The following RNLS variants were observed in gnomAD, a reference collection of about 807,000 sequenced individuals.
RNLS encodes renalase.
In RNLS, 39 loss-of-function variants were observed where a neutral mutation model predicts 39.8. The observed-to-expected ratio is 0.98, with a 90% CI of 0.76 to 1.28. RNLS has a LOEUF of 1.28. Ranked by LOEUF, RNLS falls within the 50% of genes most tolerant of loss-of-function variation. The pLI, the probability that RNLS is intolerant of heterozygous loss-of-function variation, is 0.00. For missense variants in RNLS, 410 were observed against 413.3 expected (o/e 0.99, Z 0.07); for synonymous variants, 147 against 150.7 (o/e 0.98, Z 0.18).
intron 4 of RNLS, among the ~76,000 whole-genome samples, chr10:88,562,469 G>C (rs374293310): frequency 1.3e-5 from 2 of 152,106 alleles, no homozygotes; most frequent in Non-Finnish European, 2.9e-5. Context: ...TATATGGTTG[G>C]AACAAAGTGT....
chr10:88,299,828 A>G (rs1844380822), intron 6 of RNLS, among the ~76,000 whole-genome samples: 1 of 152,222 alleles, frequency 6.6e-6, no homozygotes, highest in Non-Finnish European at 1.5e-5. Flanking sequence ...TCTTTAAGAA[A>G]AATGTTCAAT....
At chr10:88,462,280 A>C (rs565026799) in intron 4 of RNLS, among the ~76,000 whole-genome samples, 1 of 152,162 alleles carries the variant, frequency 6.6e-6, no homozygotes, top group South Asian at 2.1e-4. Context: ...TTTTGATACA[A>C]GTATGCAATG....
chr10:88,407,208 C>T (rs1853333956), intron 4 of RNLS, among the ~76,000 whole-genome samples: 1 of 151,960 alleles, frequency 6.6e-6, no homozygotes, highest in South Asian at 2.1e-4. Context: ...AAAAAATAGT[C>T]AACATCAAAA....
At chr10:88,316,889 C>G (rs758138093) in intron 5 of RNLS, among the ~76,000 whole-genome samples, 40 of 152,146 alleles carry the variant, frequency 2.6e-4, no homozygotes, top group South Asian at 2.1e-4. Flanking sequence ...TCCCCCAACC[C>G]TAAATCAGAG....
At chr10:88,240,875 G>C in the RNLS span, among the ~76,000 whole-genome samples, 1 of 151,422 alleles carries the variant, frequency 6.6e-6, no homozygotes, top group African/African-American at 2.4e-5. Flanking sequence ...ATATCATGGA[G>C]CTATGATTTA....
chr10:88,214,523 A>C, the RNLS span, among the ~76,000 whole-genome samples: 4 of 143,374 alleles, frequency 2.8e-5, no homozygotes, highest in Non-Finnish European at 6.1e-5. Flanking sequence ...AAAAAAAAAA[A>C]CTCAGTTAAC....
At chr10:88,263,763 T>G in the RNLS span, among the ~76,000 whole-genome samples, 1 of 152,224 alleles carries the variant, frequency 6.6e-6, no homozygotes, top group East Asian at 1.9e-4. Context: ...TTAAACTTTC[T>G]GAGCCTAGGC....
chr10:88,483,695 T>C (rs1844336333), intron 4 of RNLS, among the ~76,000 whole-genome samples: 1 of 152,118 alleles, frequency 6.6e-6, no homozygotes, highest in Admixed American at 6.6e-5. Flanking sequence ...AATTTCTGGT[T>C]TCCATTTCTT....
At chr10:88,398,807 A>T (rs1367678372) in intron 4 of RNLS, among the ~76,000 whole-genome samples, 3 of 152,064 alleles carry the variant, frequency 2.0e-5, no homozygotes, top group African/African-American at 7.2e-5. Context: ...CAAAATTAAA[A>T]ACTTTGTGCT....
intron 4 of RNLS, among the ~76,000 whole-genome samples, chr10:88,481,176 A>G (rs1262942396): frequency 6.6e-6 from 1 of 152,060 alleles, no homozygotes; most frequent in Non-Finnish European, 1.5e-5. Flanking sequence ...ATCTTTTTCT[A>G]TCTACTTACT....
At chr10:88,470,207 G>A (rs1031023511) in intron 4 of RNLS, among the ~76,000 whole-genome samples, 2 of 151,838 alleles carry the variant, frequency 1.3e-5, no homozygotes, top group African/African-American at 4.8e-5. Context: ...GGATACATGT[G>A]CAGGTTTGTT....
At chr10:88,512,378 G>C (rs1395111556) in intron 4 of RNLS, among the ~76,000 whole-genome samples, 3 of 151,950 alleles carry the variant, frequency 2.0e-5, no homozygotes, top group African/African-American at 7.3e-5. Context: ...CTTCTTCATA[G>C]GTCTATAAAA....
intron 4 of RNLS, among the ~76,000 whole-genome samples, chr10:88,450,774 T>G (rs1242085687): frequency 6.6e-6 from 1 of 152,210 alleles, no homozygotes; most frequent in Non-Finnish European, 1.5e-5. Flanking sequence ...TTAACACTAT[T>G]AGCAGAAATG....
intron 4 of RNLS, among the ~76,000 whole-genome samples, chr10:88,430,162 T>A (rs1464896362): frequency 6.6e-6 from 1 of 151,914 alleles, no homozygotes; most frequent in Non-Finnish European, 1.5e-5. Context: ...TACTTAGGTC[T>A]TCTGTATGTC....
intron 4 of RNLS, among the ~76,000 whole-genome samples, chr10:88,538,396 A>G (rs1191601226): frequency 6.6e-6 from 1 of 152,150 alleles, no homozygotes; most frequent in African/African-American, 2.4e-5. Flanking sequence ...TACAACAAAC[A>G]ATGTGACCTC....
chr10:88,526,250 T>C (rs1272909640), intron 4 of RNLS, among the ~76,000 whole-genome samples: 1 of 151,252 alleles, frequency 6.6e-6, no homozygotes, highest in Non-Finnish European at 1.5e-5. Context: ...TTAACACATT[T>C]AGAAATCATA....
intron 4 of RNLS, among the ~76,000 whole-genome samples, chr10:88,571,124 AGGAAC>A (rs1486556023): frequency 6.6e-6 from 1 of 151,858 alleles, no homozygotes; most frequent in Non-Finnish European, 1.5e-5. Flanking sequence ...CTGGGATTAC[AGGAAC>A]ATACCACTAT....
intron 5 of RNLS, among the ~76,000 whole-genome samples, chr10:88,344,371 G>A (rs1213294786): frequency 2.6e-5 from 4 of 152,106 alleles, no homozygotes; most frequent in African/African-American, 9.7e-5. Flanking sequence ...TTATGATAGT[G>A]TCAAAATATT....
intron 1 of RNLS, 124 bp downstream of exon 1, chr10:88,582,949 G>A: frequency 8.8e-7 from 1 of 1,135,994 alleles, no homozygotes; most frequent in Non-Finnish European, 1.2e-6. Context: ...CGCGCTACAC[G>A]GCCGCTCAGG....
Sources: allele counts gnomAD v4.1 joint callset (sites outside exome capture counted in the v4.1 genomes callset), GRCh38; gene constraint gnomAD v4.1.1; transcripts MANE v1.5; gene names NCBI Gene and HGNC (gene_info 2026-07-23, HGNC 2026-07-21).